RIMS2: variants seen among roughly 807,000 people sequenced by gnomAD.
The protein encoded by RIMS2 is regulating synaptic membrane exocytosis 2.
Under a neutral mutation model 174.4 loss-of-function variants are expected in RIMS2, and 59 were observed. The observed-to-expected ratio is 0.34, with a 90% confidence interval of 0.27 to 0.42. The LOEUF (loss-of-function observed/expected upper bound fraction) is 0.42. RIMS2 is among the 10% of genes least tolerant of loss of function. The probability of loss-of-function intolerance (pLI) is 1.00; values close to 1 mark genes in which losing one functional copy is unlikely to be tolerated. For synonymous variants in RIMS2, 606 were observed against 572.5 expected, an observed-to-expected ratio of 1.06 and a Z score of -0.84; for missense variants, 1,620 against 1,666.3, an observed-to-expected ratio of 0.97 and a Z score of 0.48.
downstream of RIMS2, chr8:104,253,772 TTTAAA>T (rs1319159430): frequency 1.3e-5 from 2 of 152,220 alleles, no homozygotes; most frequent in Admixed American, 1.3e-4. Flanking sequence ...ATCTCATTTG[TTTAAA>T]TTAAGGCCAT....
rs71520862 is a variant in RIMS2 at position 103,985,465 on chromosome 8, C to T, written c.2928-3840C>T. Among the ~76,000 whole-genome samples, 40 of 77,886 alleles carry T rather than the reference C, an allele frequency of 5.1e-4. No homozygotes were observed. The Admixed American group carries it at 5.5e-3, about 11-fold the overall frequency. The allele number at this position is 77,886 out of a possible 152,430, so 51.1% of individuals were successfully genotyped here. On this transcript the variant is annotated intron_variant, in intron 16 of 23. Transcript: ENST00000504942. ...CTCCAGCCTGGGCAACAAAGCAAGA[C>T]TCTGTCTCAAAAAAAAAAAAAAAAA...
At chr8:104,134,624 ATTG>A (rs1203969641) in intron 19 of RIMS2, among the ~76,000 whole-genome samples, 1 of 152,220 alleles carries the variant, frequency 6.6e-6, no homozygotes, top group East Asian at 1.9e-4. Flanking sequence ...GGTGTTGGCT[ATTG>A]TTTGTGCTAT....
At chr8:103,736,024 A>G (rs2097681053) in intron 2 of RIMS2, among the ~76,000 whole-genome samples, 1 of 152,272 alleles carries the variant, frequency 6.6e-6, no homozygotes, top group Non-Finnish European at 1.5e-5. Flanking sequence ...AAATTACACA[A>G]TGTCAGTTTA....
At chr8:103,885,483 A>T in exon 4 of RIMS2, 1 of 1,612,598 alleles carries the variant, frequency 6.2e-7, no homozygotes, top group Non-Finnish European at 8.5e-7. Flanking sequence ...AGTTATAGGG[A>T]CTCCAACAGG....
At chr8:103,727,553 A>G (rs1471480827) in intron 2 of RIMS2, among the ~76,000 whole-genome samples, 1 of 152,106 alleles carries the variant, frequency 6.6e-6, no homozygotes, top group African/African-American at 2.4e-5. Context: ...GCCCAGACCA[A>G]TGTCCTGGAG....
At chr8:104,068,798 A>G (rs1273630212) in intron 19 of RIMS2, among the ~76,000 whole-genome samples, 186 bp downstream of exon 23, 1 of 152,222 alleles carries the variant, frequency 6.6e-6, no homozygotes, top group Non-Finnish European at 1.5e-5. Context: ...CCTTACTTAA[A>G]AAAACTATTA....
chr8:103,766,103 G>A (rs1331190275), intron 2 of RIMS2, 124 bp from the exon 6 acceptor site: 2 of 597,156 alleles, frequency 3.3e-6, no homozygotes, highest in Non-Finnish European at 2.9e-6. Context: ...CAGTGAATTA[G>A]GATTATGTTT....
exon 3 of RIMS2, chr8:103,766,427 A>T (rs1436384427): frequency 6.2e-7 from 1 of 1,613,444 alleles, no homozygotes; most frequent in Non-Finnish European, 8.5e-7. Flanking sequence ...CAGGTGACTT[A>T]TCTGTACCTG....
At chr8:103,933,127 C>T (rs1006608171) in intron 12 of RIMS2, among the ~76,000 whole-genome samples, 1 of 152,032 alleles carries the variant, frequency 6.6e-6, no homozygotes, top group Non-Finnish European at 1.5e-5. Context: ...CCCGTCTCTA[C>T]TAAAAAATAC....
intron 1 of RIMS2, among the ~76,000 whole-genome samples, chr8:103,585,506 G>A (rs562337085): frequency 3.9e-5 from 6 of 152,082 alleles, no homozygotes; most frequent in Non-Finnish European, 7.4e-5. Flanking sequence ...TGATACACTG[G>A]ATAAAGAAAA....
intron 16 of RIMS2, among the ~76,000 whole-genome samples, chr8:103,982,159 A>G (rs1244316791): frequency 6.6e-6 from 1 of 152,152 alleles, no homozygotes; most frequent in Non-Finnish European, 1.5e-5. Flanking sequence ...TATAGAGGAA[A>G]TGCATAAACT....
intron 21 of RIMS2, among the ~76,000 whole-genome samples, 185 bp from the exon 28 acceptor site, chr8:104,249,302 C>G (rs1449691451): frequency 6.6e-6 from 1 of 151,980 alleles, no homozygotes; most frequent in Non-Finnish European, 1.5e-5. Flanking sequence ...AAATATTTAA[C>G]CATTATTTCT....
intron 1 of RIMS2, among the ~76,000 whole-genome samples, chr8:103,529,817 A>G (rs2130853087): frequency 6.6e-6 from 1 of 152,348 alleles, no homozygotes; most frequent in African/African-American, 2.4e-5. Context: ...TGTAGATTCT[A>G]TGTAAATAGT....
rs535324728 is a variant in RIMS2 at position 103,787,048 on chromosome 8, T to A, written c.698+20511T>A. Among the ~76,000 whole-genome samples the A allele has an allele frequency of 9.5e-3, 1,414 of 149,580 alleles. 10 individuals are homozygous for A. Among genetic ancestry groups the A allele is most frequent in the African/African-American group, 0.033 (1,339 of 40,306 alleles). On this transcript the variant is annotated intron_variant, in intron 3 of 23. Transcript: ENST00000504942. ...TAATGGCCTTCTTTGTCTCTTTTGA[T>A]CTTTGTTGGTTTAAAGTCTGTTTTA...
chr8:104,067,838 G>A (rs763422647), intron 19 of RIMS2, among the ~76,000 whole-genome samples: 1 of 152,110 alleles, frequency 6.6e-6, no homozygotes, highest in Non-Finnish European at 1.5e-5. Flanking sequence ...GGGCATTAAT[G>A]TCTTTTTGAA....
At chr8:104,094,404 C>CATAAGTGTT in intron 19 of RIMS2, 1 of 577,746 alleles carries the variant, frequency 1.7e-6, no homozygotes, top group Non-Finnish European at 3.0e-6. Flanking sequence ...TGTTTAATTT[C>CATAAGTGTT]ATAAGTGTTT....
chr8:103,888,287 G>C (rs1312885008), intron 4 of RIMS2, among the ~76,000 whole-genome samples: 3 of 151,334 alleles, frequency 2.0e-5, no homozygotes, highest in Non-Finnish European at 4.4e-5. Flanking sequence ...CATATTTGTT[G>C]CATTCAAATG....
At chr8:104,124,475 G>T (rs954627047) in intron 19 of RIMS2, among the ~76,000 whole-genome samples, 2 of 151,896 alleles carry the variant, frequency 1.3e-5, no homozygotes, top group Non-Finnish European at 2.9e-5. Flanking sequence ...CCTCTACCAG[G>T]GTTCTCAAAT....
chr8:103,888,120 TTTGG>T (rs2099217012), intron 4 of RIMS2, among the ~76,000 whole-genome samples: 1 of 151,320 alleles, frequency 6.6e-6, no homozygotes, highest in Non-Finnish European at 1.5e-5. Context: ...TGATAGAAAA[TTTGG>T]ACATATCGGT....
Sources: gnomAD v4.1 joint callset for allele counts (sites outside exome capture counted in the v4.1 genomes callset) on GRCh38, gnomAD v4.1.1 for gene constraint, MANE v1.5 for transcripts, NCBI Gene and HGNC (gene_info 2026-07-23, HGNC 2026-07-21) for gene names.